RABGAP1: variants seen among roughly 807,000 people sequenced by gnomAD.
RABGAP1 encodes rab GTPase-activating protein 1.
A neutral mutation model predicts 137.6 loss-of-function variants in RABGAP1; 23 were observed. The observed-to-expected ratio is 0.17, with a 90% CI of 0.12 to 0.24. The LOEUF (loss-of-function observed/expected upper bound fraction) is 0.24. RABGAP1 is among the 10% of genes least tolerant of loss of function. The probability of loss-of-function intolerance (pLI) is 1.00; values close to 1 mark genes in which losing one functional copy is unlikely to be tolerated. For missense variants in RABGAP1, 906 were observed against 1,275.8 expected (o/e 0.71, Z 4.42); for synonymous variants, 451 against 450.7 (o/e 1.00, Z -0.01).
At position 123,019,385 on chromosome 9, in the gene RABGAP1, G is replaced by A. The variant is rs563340469; in HGVS notation, c.1644-924G>A. On this transcript the variant is annotated intron_variant, in intron 12 of 25. Transcript: ENST00000373647. ...CTGTCACCCAGGCTGGAGTGCAGTG[G>A]TGCGGTCTCTCACTGCAGCCTTGAA... Among the ~76,000 whole-genome samples the A allele has an allele frequency of 3.3e-5, 5 of 152,046 alleles. No individual in the cohort carries two copies. In the South Asian group the frequency reaches 6.2e-4, roughly 19 times the overall value.
intron 11 of RABGAP1, among the ~76,000 whole-genome samples, chr9:123,012,358 C>T (rs888232294): frequency 7.9e-5 from 12 of 152,138 alleles, no homozygotes; most frequent in Admixed American, 5.2e-4. Context: ...CCTCTCTTAA[C>T]ACTCAGCGAT....
intron 10 of RABGAP1, among the ~76,000 whole-genome samples, chr9:123,000,165 A>G (rs1227302537): frequency 4.6e-5 from 7 of 151,946 alleles, no homozygotes; most frequent in African/African-American, 1.7e-4. Flanking sequence ...GTTTCTTTGT[A>G]ATTTTGGATT....
chr9:122,950,830 A>G (rs530337223), intron 1 of RABGAP1, among the ~76,000 whole-genome samples: 1 of 152,338 alleles, frequency 6.6e-6, no homozygotes, highest in South Asian at 2.1e-4. Context: ...AGCTAATGAG[A>G]TAGCCAGTGA....
At chr9:123,042,602 C>T (rs2033005514) in intron 13 of RABGAP1, among the ~76,000 whole-genome samples, 1 of 151,966 alleles carries the variant, frequency 6.6e-6, no homozygotes, top group African/African-American at 2.4e-5. Context: ...TTGTTTGTTT[C>T]AGTAAGCAGG....
At chr9:123,002,329 T>C (rs1248670088) in intron 10 of RABGAP1, among the ~76,000 whole-genome samples, 8 of 147,756 alleles carry the variant, frequency 5.4e-5, no homozygotes, top group Non-Finnish European at 1.0e-4. Context: ...AGATGGTAAA[T>C]AGAAATTAGT....
At chr9:123,048,005 C>G (rs558991949) in intron 13 of RABGAP1, among the ~76,000 whole-genome samples, 2 of 133,992 alleles carry the variant, frequency 1.5e-5, no homozygotes. Context: ...ATGGCGCGAT[C>G]TCGGCCCACT....
Position 123,076,614 on chromosome 9 carries a change from G to T in RABGAP1, c.2296-20G>T. The T allele has an allele frequency of 2.5e-6, 4 of 1,580,606 alleles. No individual in the cohort carries two copies. Among genetic ancestry groups the T allele is most frequent in the Admixed American group, 3.9e-5 (2 of 51,378 alleles). Reference sequence around the variant, plus strand: ...TTATAGCAACACATTTTTTCTATATGTGTTTGTATTTTCTTCAAGACTTCG... The same window carrying T: ...TTATAGCAACACATTTTTTCTATATTTGTTTGTATTTTCTTCAAGACTTCG... On this transcript the variant is annotated intron_variant, in intron 18 of 25. Coordinates refer to ENST00000373647, the MANE Select transcript of RABGAP1 (RefSeq NM_012197.4).
rs775293547 is a variant in RABGAP1 at position 122,998,665 on chromosome 9, C to T, written c.1273C>T (p.Leu425Phe). ...AGAAGTACAGGAGCCTGTTCGATTTCTCCTGGAGACAAAAGTCCGCGTTTG... is the reference window on the plus strand; with the variant it reads ...AGAAGTACAGGAGCCTGTTCGATTTTTCCTGGAGACAAAAGTCCGCGTTTG... Reference protein sequence around the residue: ...ITEVQEPVRFLLETKVRVCSP... With the variant: ...ITEVQEPVRFFLETKVRVCSP... The change falls in exon 10 of 26, where the codon CTC becomes TTC. Residue 425 changes from leucine (L) to phenylalanine (F), a missense_variant. Transcript: ENST00000373647. 8.1e-6 allele frequency: 13 copies of T among 1,611,956 alleles called. No individual in the cohort carries two copies. Among genetic ancestry groups the T allele is most frequent in the Non-Finnish European group, 1.1e-5 (13 of 1,178,092 alleles).
chr9:123,049,286 G>GT (rs1318636134), intron 13 of RABGAP1, among the ~76,000 whole-genome samples: 2 of 151,558 alleles, frequency 1.3e-5, no homozygotes, highest in Non-Finnish European at 2.9e-5. Flanking sequence ...AGCATATGGT[G>GT]TTTTTTGTTG....
intron 13 of RABGAP1, chr9:123,035,271 G>C (rs1193154362): frequency 1.2e-6 from 2 of 1,614,076 alleles, no homozygotes; most frequent in Non-Finnish European, 1.7e-6. Flanking sequence ...TCAGCAGCCA[G>C]AGTGGGGAGA....
intron 12 of RABGAP1, among the ~76,000 whole-genome samples, chr9:123,019,838 C>A (rs1172869845): frequency 6.6e-6 from 1 of 152,056 alleles, no homozygotes; most frequent in African/African-American, 2.4e-5. Flanking sequence ...TACAGGCATG[C>A]GCCACCATGA....
In RABGAP1 at chr9:123,035,265, C is replaced by T. The variant is rs766292656; in HGVS notation, c.1794+14806C>T. 6.4e-5 allele frequency: 103 copies of T among 1,614,180 alleles called. 3 individuals carry two copies. The South Asian group carries it at 1.1e-3, about 17-fold the overall frequency. ...TCAGCGAAAGGCAAGCCCGCTTCAG[C>T]AGCCAGAGTGGGGAGACTGGGGAAG... is the stretch of plus-strand genomic sequence containing the variant. On this transcript the variant is annotated intron_variant, in intron 13 of 25. Coordinates refer to ENST00000373647, the MANE Select transcript of RABGAP1 (RefSeq NM_012197.4).
intron 6 of RABGAP1, among the ~76,000 whole-genome samples, chr9:122,991,328 G>C (rs1457526764): frequency 6.6e-6 from 1 of 152,124 alleles, no homozygotes; most frequent in Admixed American, 6.5e-5. Flanking sequence ...ATTGCATGTA[G>C]AAGTCTGTTT....
intron 13 of RABGAP1, chr9:123,062,409 T>C (rs1441141797): frequency 6.6e-6 from 1 of 152,246 alleles, no homozygotes; most frequent in African/African-American, 2.4e-5. Flanking sequence ...TCAAATTTAA[T>C]GTCATTCTGA....
chr9:123,018,131 A>T (rs2031369183), intron 12 of RABGAP1, among the ~76,000 whole-genome samples: 1 of 152,140 alleles, frequency 6.6e-6, no homozygotes, highest in Non-Finnish European at 1.5e-5. Context: ...AGTAGCTGGG[A>T]CTACAGGTGC....
intron 14 of RABGAP1, among the ~76,000 whole-genome samples, chr9:123,066,857 G>A (rs762772869): frequency 6.6e-6 from 1 of 152,098 alleles, no homozygotes; most frequent in African/African-American, 2.4e-5. Context: ...AATTTCAAAC[G>A]TAAACATTAA....
At chr9:122,942,409 A>G (rs750480798) in intron 1 of RABGAP1, among the ~76,000 whole-genome samples, 31 of 152,200 alleles carry the variant, frequency 2.0e-4, no homozygotes, top group Non-Finnish European at 4.6e-4. Context: ...GGGTGCGTTC[A>G]CGCCTGTGAT....
At chr9:123,097,867 C>T in intron 22 of RABGAP1, 22 bp downstream of exon 22, 1 of 1,594,046 alleles carries the variant, frequency 6.3e-7, no homozygotes, top group Non-Finnish European at 8.5e-7. Context: ...CTCCCACATT[C>T]CTCTGTCTTG....
At chr9:122,969,411 T>G (rs1835352286) in intron 2 of RABGAP1, among the ~76,000 whole-genome samples, 1 of 152,256 alleles carries the variant, frequency 6.6e-6, no homozygotes, top group South Asian at 2.1e-4. Flanking sequence ...AGGAACATGT[T>G]CTCCAAATTT....
Sources: allele counts gnomAD v4.1 joint callset (sites outside exome capture counted in the v4.1 genomes callset), GRCh38; gene constraint gnomAD v4.1.1; transcripts MANE v1.5; gene names NCBI Gene and HGNC (gene_info 2026-07-23, HGNC 2026-07-21).